OR8B8: variants seen among roughly 807,000 people sequenced by gnomAD.
OR8B8 encodes the protein olfactory receptor family 8 subfamily B member 8, also known as olfactory receptor 8B8.
In OR8B8, 8 loss-of-function variants were observed where a neutral mutation model predicts 10.5. The ratio of observed to expected loss-of-function variants is 0.76; its 90% CI spans 0.45 to 1.38. OR8B8 has a LOEUF of 1.38. Ranked by LOEUF, OR8B8 falls within the 40% of genes most tolerant of loss-of-function variation. The pLI, the probability that OR8B8 is intolerant of heterozygous loss-of-function variation, is 0.00. For synonymous variants in OR8B8, 150 were observed against 145.2 expected (o/e 1.03, Z -0.24); for missense variants, 390 against 380.5 (o/e 1.03, Z -0.21).
At position 124,440,119 on chromosome 11, in the gene OR8B8, CAG is replaced by C. The variant is rs750454858; in HGVS notation, c.*29_*30del. ...GAGTCCAAATCACTTATGGGAGAAA[CAG>C]TGTTTCTTTCCTGAGCATTGCCCTT... On this transcript the variant is annotated 3_prime_UTR_variant, in exon 3 of 3. Coordinates refer to ENST00000642064, the MANE Select transcript of OR8B8 (RefSeq NM_012378.2). 1.3e-6 allele frequency: 2 copies of C among 1,543,866 alleles called. No homozygotes were observed. The highest frequency in any genetic ancestry group is 1.8e-6 in the Non-Finnish European group (2 of 1,128,802).
chr11:124,440,220 A>G lies in OR8B8; in HGVS notation c.866T>C (p.Ile289Thr), dbSNP rs959680041. 1.9e-6 allele frequency: 3 copies of G among 1,614,118 alleles called. No individual in the cohort carries two copies. The highest frequency in any genetic ancestry group is 2.7e-5 in the African/African-American group (2 of 74,932). The change falls in exon 3 of 3, where the codon ATT becomes ACT. Residue 289 changes from isoleucine (I) to threonine (T), a missense_variant. Transcript: ENST00000642064. ...GACGTCCTTATTCCTCAGGCTATAA[A>G]TTAATGGGTTGAGCATGGGCACCAC... ...TTVVPMLNPL[I>T]YSLRNKDVKV... is the part of the protein sequence containing the mutation.
In OR8B8 at chr11:124,440,895, T is replaced by C. The variant is rs777775770; in HGVS notation, c.191A>G (p.Tyr64Cys). The change falls in exon 3 of 3, where the codon TAT becomes TGT. Residue 64 changes from tyrosine to cysteine, a missense_variant. By Grantham distance (194) the Tyr-to-Cys change is radical. Transcript: ENST00000642064. ...HLHTPMYFFL[Y>C]NLSFIDFCYS... ...GCAGAAATCTATGAAGGACAAGTTATAGAGGAAGAAGTACATAGGGGTGTG... is the reference window on the plus strand; with the variant it reads ...GCAGAAATCTATGAAGGACAAGTTACAGAGGAAGAAGTACATAGGGGTGTG... The C allele has an allele frequency of 5.0e-6, 8 of 1,614,004 alleles. No individual in the cohort carries two copies. Among genetic ancestry groups the C allele is most frequent in the South Asian group, 2.2e-5 (2 of 91,068 alleles).
chr11:124,440,550 C>T lies in OR8B8; in HGVS notation c.536G>A (p.Cys179Tyr). The change falls in exon 3 of 3, where the codon TGT (cysteine) becomes TAT (tyrosine). Residue 179 changes from cysteine (C) to tyrosine (Y), a missense_variant. Transcript: ENST00000642064. ...CANNLVNHYM[C>Y]DILPLLECAC... ...ACACTCAAGAAGGGGAAGGATGTCACACATGTAGTGGTTGACAAGGTTATT... is the reference window on the plus strand; with the variant it reads ...ACACTCAAGAAGGGGAAGGATGTCATACATGTAGTGGTTGACAAGGTTATT... 1 of 1,614,218 alleles carries T rather than the reference C, an allele frequency of 6.2e-7. No homozygotes were observed. The highest frequency in any genetic ancestry group is 8.5e-7 in the Non-Finnish European group (1 of 1,180,048).
rs13377572 is a variant in OR8B8 at position 124,441,504 on chromosome 11, G to A, written c.-33C>T. 6.2e-3 allele frequency: 1,065 copies of A among 172,238 alleles called. 19 individuals are homozygous for A. Among genetic ancestry groups the A allele is most frequent in the African/African-American group, 0.024 (1,004 of 42,192 alleles). The allele number at this position is 172,238 out of a possible 1,614,324, so 10.7% of individuals were successfully genotyped here. On this transcript the variant is annotated 5_prime_UTR_variant, in exon 2 of 3. An upstream open reading frame in the 5' UTR gains an earlier in-frame stop. Coordinates refer to ENST00000642064, the MANE Select transcript of OR8B8 (RefSeq NM_012378.2). ...CTTTAGTACCTGAGACTGGGGACTC[G>A]GGAAAAGTTCGGACTGCTCATCCGG...
chr11:124,441,158 C>G, intron 2 of OR8B8, 57 bp from the exon 3 acceptor site: 1 of 1,080,158 alleles, frequency 9.3e-7, no homozygotes, highest in Non-Finnish European at 1.3e-6. Context: ...TGCTGCCCTC[C>G]CAGTCATCCC....
At position 124,439,940 on chromosome 11, in the gene OR8B8, C is replaced by A; in HGVS notation, c.*210G>T. The stretch of plus-strand genomic sequence containing the variant: ...GGAAGGTACATAAGCTTGAGTCTAT[C>A]CTCAGAAATAGCGGGGAACTGAGTG... On this transcript the variant is annotated 3_prime_UTR_variant, in exon 3 of 3. Transcript: ENST00000642064. 1 of 547,714 alleles carries A rather than the reference C, an allele frequency of 1.8e-6. No homozygotes were observed. Among genetic ancestry groups the A allele is most frequent in the Non-Finnish European group, 3.2e-6 (1 of 311,266 alleles). The allele number at this position is 547,714 out of a possible 1,614,324, so 33.9% of individuals were successfully genotyped here. A position where few individuals can be genotyped will look rare whatever the true frequency, so the allele number is the denominator to read the frequency against.
chr11:124,440,119 C>A lies in OR8B8; in HGVS notation c.*31G>T. On this transcript the variant is annotated 3_prime_UTR_variant, in exon 3 of 3. Transcript: ENST00000642064. ...GAGTCCAAATCACTTATGGGAGAAA[C>A]AGTGTTTCTTTCCTGAGCATTGCCC... The A allele has an allele frequency of 6.5e-7, 1 of 1,543,866 alleles. No individual in the cohort carries two copies.
In OR8B8 at chr11:124,440,425, T is replaced by A; in HGVS notation, c.661A>T (p.Ile221Phe). The A allele has an allele frequency of 1.2e-6, 2 of 1,614,146 alleles. No individual in the cohort carries two copies. Among genetic ancestry groups the A allele is most frequent in the Non-Finnish European group, 1.7e-6 (2 of 1,180,028 alleles). The change falls in exon 3 of 3, where the codon ATT becomes TTT. Residue 221 changes from isoleucine to phenylalanine, a missense_variant. By Grantham distance (21) the Ile-to-Phe change is conservative (BLOSUM62 0). Transcript: ENST00000642064. ...TVTIFISYAL[I>F]LSSIFHIDST... ...TCAATGTGGAAGATGCTGGAGAGAA[T>A]GAGAGCATAGGAAATGAAGATGGTG... is the stretch of plus-strand genomic sequence containing the variant.
chr11:124,441,197 CAG>C, intron 2 of OR8B8, 96 bp from the exon 3 acceptor site: 2 of 821,016 alleles, frequency 2.4e-6, no homozygotes, highest in Non-Finnish European at 3.7e-6. Context: ...AGGAGGCACA[CAG>C]AGAGATTTTG....
rs774533311 is a variant in OR8B8 at position 124,440,724 on chromosome 11, T to A, written c.362A>T (p.Asp121Val). Reference protein sequence around the residue: ...ESFILSAMAYDRYVAICNPLL... With the variant: ...ESFILSAMAYVRYVAICNPLL... ...TGGGTTACAGATGGCCACATAGCGG[T>A]CATACGCCATTGCTGACAGGATGAA... is the stretch of plus-strand genomic sequence containing the variant. The change falls in exon 3 of 3, where the codon GAC (aspartate) becomes GTC (valine). Residue 121 changes from aspartate to valine, a missense_variant. Asp to Val is a radical substitution (Grantham distance 152). Coordinates refer to ENST00000642064, the MANE Select transcript of OR8B8 (RefSeq NM_012378.2). 2 of 1,614,074 alleles carry A rather than the reference T, an allele frequency of 1.2e-6. No homozygotes were observed. Among genetic ancestry groups the A allele is most frequent in the Admixed American group, 3.3e-5 (2 of 60,022 alleles).
rs1391923308 is a variant in OR8B8, at chr11:124,437,661, T to C, written c.*2489A>G. The C allele has an allele frequency of 1.6e-5, 2 of 123,880 alleles. No homozygotes were observed. The highest frequency in any genetic ancestry group is 3.3e-5 in the Non-Finnish European group (2 of 60,676). The allele number at this position is 123,880 out of a possible 1,614,324, so 7.7% of individuals were successfully genotyped here. A position where few individuals can be genotyped will look rare whatever the true frequency, so the allele number is the denominator to read the frequency against. ...GTGTGTGTGTGTGTGTGTGTGTGTG[T>C]GTGTGTGCGCGCGCGCGTGCGTGCG... On this transcript the variant is annotated 3_prime_UTR_variant, in exon 3 of 3. Transcript: ENST00000642064.
chr11:124,443,103 C>G (rs1478338187), intron 1 of OR8B8, among the ~76,000 whole-genome samples: 1 of 75,776 alleles, frequency 1.3e-5, no homozygotes, highest in African/African-American at 4.9e-5. Context: ...AATACTCTAT[C>G]TACCCTACGT....
In OR8B8 at chr11:124,437,884, A is replaced by G. The variant is rs1306754344; in HGVS notation, c.*2266T>C. On this transcript the variant is annotated 3_prime_UTR_variant, in exon 3 of 3. Coordinates refer to ENST00000642064, the MANE Select transcript of OR8B8 (RefSeq NM_012378.2). ...CCTATAGCAAATGTATTATCTGGTC[A>G]ATATATAAATAAATATATCTTGTAA... 1 of 152,180 alleles carries G rather than the reference A, an allele frequency of 6.6e-6. No homozygotes were observed. The highest frequency in any genetic ancestry group is 1.5e-5 in the Non-Finnish European group (1 of 68,038). 9.4% of individuals were successfully genotyped at this position (152,180 alleles called of 1,614,324 possible). A position where few individuals can be genotyped will look rare whatever the true frequency, so the allele number is the denominator to read the frequency against.
Position 124,440,751 on chromosome 11 carries a change from G to A in OR8B8, c.335C>T (p.Ser112Phe), listed in dbSNP as rs1435832704. ...ATACGCCATTGCTGACAGGATGAAG[G>A]ACTCAGAGACAACAAAGAAAAGAAA... ...FFFLFFVVSE[S>F]FILSAMAYDR... is the part of the protein sequence containing the mutation. The change falls in exon 3 of 3, where the codon TCC (serine) becomes TTC (phenylalanine). Residue 112 changes from serine to phenylalanine, a missense_variant. Ser to Phe is a radical substitution (Grantham distance 155, BLOSUM62 -2). Coordinates refer to ENST00000642064, the MANE Select transcript of OR8B8 (RefSeq NM_012378.2). 13 of 1,614,026 alleles carry A rather than the reference G, an allele frequency of 8.1e-6. No homozygotes were observed. The Admixed American group carries it at 2.0e-4, about 25-fold the overall frequency.
intron 1 of OR8B8, among the ~76,000 whole-genome samples, chr11:124,444,909 G>A (rs925575332): frequency 5.3e-5 from 8 of 152,122 alleles, no homozygotes; most frequent in African/African-American, 1.9e-4. Flanking sequence ...AAGAGCCTGG[G>A]AACAATACAC....
intron 1 of OR8B8, among the ~76,000 whole-genome samples, chr11:124,443,907 C>T (rs552951526): frequency 2.0e-5 from 3 of 152,282 alleles, no homozygotes; most frequent in East Asian, 1.9e-4. Context: ...TTATGGTGCA[C>T]GTGCTGATCT....
Position 124,445,645 on chromosome 11 carries a change from T to C in OR8B8, c.-222A>G, listed in dbSNP as rs1436037459. ...CTGCTCAGAAACAAGATGCCTCAAG[T>C]GTAACTCTTATACCTAGAAATCTGC... is the stretch of plus-strand genomic sequence containing the variant. On this transcript the variant is annotated 5_prime_UTR_variant, in exon 1 of 3. Coordinates refer to ENST00000642064, the MANE Select transcript of OR8B8 (RefSeq NM_012378.2). 1 of 152,158 alleles carries C rather than the reference T, an allele frequency of 6.6e-6. No homozygotes were observed. The highest frequency in any genetic ancestry group is 2.4e-5 in the African/African-American group (1 of 41,432). 9.4% of individuals were successfully genotyped at this position (152,158 alleles called of 1,614,324 possible).
rs1376197567 is a variant in OR8B8 at position 124,438,512 on chromosome 11, C to T, written c.*1638G>A. On this transcript the variant is annotated 3_prime_UTR_variant, in exon 3 of 3. Transcript: ENST00000642064. ...ATCTACTATTTATAATCTTTTTAAA[C>T]TGAAAAGCTACTCTACCTTCCTTTA... 1.3e-5 allele frequency: 2 copies of T among 152,194 alleles called. No individual in the cohort carries two copies. The highest frequency in any genetic ancestry group is 1.3e-4 in the Admixed American group (2 of 15,280). 9.4% of individuals were successfully genotyped at this position (152,194 alleles called of 1,614,324 possible). A position where few individuals can be genotyped will look rare whatever the true frequency, so the allele number is the denominator to read the frequency against.
chr11:124,440,813 G>A lies in OR8B8; in HGVS notation c.273C>T (p.Ser91=). ...MLMSFVLKKN[S]ISYAGCMTQL... ...GAGTCATACACCCTGCGTAGGAGATGCTGTTCTTCTTTAAGACAAAGCTCA... is the reference window on the plus strand; with the variant it reads ...GAGTCATACACCCTGCGTAGGAGATACTGTTCTTCTTTAAGACAAAGCTCA... The change falls in exon 3 of 3, where the codon AGC becomes AGT. Residue 91 remains serine, a synonymous_variant. Transcript: ENST00000642064. The A allele has an allele frequency of 2.5e-6, 4 of 1,614,206 alleles. No homozygotes were observed. Among genetic ancestry groups the A allele is most frequent in the Non-Finnish European group, 3.4e-6 (4 of 1,180,032 alleles).
Sources: gnomAD v4.1 joint callset for allele counts (sites outside exome capture counted in the v4.1 genomes callset) on GRCh38, gnomAD v4.1.1 for gene constraint, MANE v1.5 for transcripts, NCBI Gene and HGNC (gene_info 2026-07-23, HGNC 2026-07-21) for gene names.